SNX12: variants seen among roughly 807,000 people sequenced by gnomAD.
The protein encoded by SNX12 is sorting nexin-12.
For synonymous variants in SNX12, 47 were observed against 56.0 expected (o/e 0.84, Z 0.71); for missense variants, 62 against 141.3 (o/e 0.44, Z 2.84).
upstream of SNX12, chrX:71,068,398 A>G (rs1412066886): frequency 2.5e-6 from 2 of 792,082 alleles, no homozygotes; most frequent in East Asian, 7.7e-5. Flanking sequence ...TTGCAAAATA[A>G]CTAGCCAACC....
intron 1 of SNX12, among the ~76,000 whole-genome samples, chrX:71,066,714 T>A (rs2092155261): frequency 9.0e-6 from 1 of 110,698 alleles, no homozygotes; most frequent in African/African-American, 3.3e-5. Context: ...CCTTATGCTG[T>A]ACTAGTCATG....
upstream of SNX12, among the ~76,000 whole-genome samples, chrX:71,071,279 G>A (rs2092170484): frequency 2.0e-5 from 2 of 102,165 alleles, no homozygotes; most frequent in Non-Finnish European, 3.9e-5. Flanking sequence ...TGTTGATACA[G>A]AATGATGTCC....
rs1602269683 is a variant in SNX12 at position 71,061,261 on chromosome X, AC to A, written c.387-144del. On this transcript the variant is annotated intron_variant, in intron 3 of 3. Coordinates refer to ENST00000374274, the MANE Select transcript of SNX12 (RefSeq NM_013346.4). ...AGGACAGCAGTAGGGTACCACCTCA[AC>A]CCTAATATTGTAAAGGGGACGGGGG... 2.1e-5 allele frequency: 10 copies of A among 472,828 alleles called. No homozygotes were observed. The South Asian group carries it at 2.8e-4, about 13-fold the overall frequency. The allele number at this position is 472,828 out of a possible 1,213,427, so 39.0% of individuals were successfully genotyped here. A position where few individuals can be genotyped will look rare whatever the true frequency, so the allele number is the denominator to read the frequency against.
At chrX:71,066,668 T>C (rs1423091111) in intron 1 of SNX12, among the ~76,000 whole-genome samples, 1 of 107,158 alleles carries the variant, frequency 9.3e-6, no homozygotes, top group Non-Finnish European at 1.9e-5. Flanking sequence ...TCTTGGGTAA[T>C]GCATTGAATG....
intron 1 of SNX12, among the ~76,000 whole-genome samples, chrX:71,066,392 C>T (rs1328753186): frequency 9.0e-6 from 1 of 110,807 alleles, no homozygotes; most frequent in Admixed American, 9.6e-5. Context: ...CAGTTCAAGA[C>T]CAGCCTGGCC....
chrX:71,065,865 G>A (rs1237605822), intron 1 of SNX12, among the ~76,000 whole-genome samples: 1 of 108,499 alleles, frequency 9.2e-6, no homozygotes, highest in Non-Finnish European at 1.9e-5. Context: ...TGTAGTCCCA[G>A]CTACTCCAGA....
chrX:71,072,006 C>T (rs1279308677), upstream of SNX12, among the ~76,000 whole-genome samples: 11 of 110,210 alleles, frequency 1.0e-4, no homozygotes, highest in African/African-American at 3.6e-4. Flanking sequence ...GCCTGTAATC[C>T]CAGTACTTTG....
chrX:71,068,208 G>A lies in SNX12; in HGVS notation c.99C>T (p.Asp33=). The A allele has an allele frequency of 1.7e-6, 2 of 1,210,758 alleles. No individual in the cohort carries two copies. Among genetic ancestry groups the A allele is most frequent in the Non-Finnish European group, 2.2e-6 (2 of 895,040 alleles). The part of the protein sequence containing the change: ...YGPPSNFLEI[D]IFNPQTVGVG... ...CGCCCACCGTCTGAGGATTAAAGAT[G>A]TCGATCTCCAGGAAGTTACTTGGCG... is the stretch of plus-strand genomic sequence containing the variant. The change falls in exon 1 of 4, where the codon GAC becomes GAT. Residue 33 remains aspartate, a synonymous_variant. Coordinates refer to ENST00000374274, the MANE Select transcript of SNX12 (RefSeq NM_013346.4).
rs1315100645 is a variant in SNX12, at chrX:71,066,296, T to C, written c.165+1846A>G. On this transcript the variant is annotated intron_variant, in intron 1 of 3. Transcript: ENST00000374274. ...TGAACAGTCCCTGTTGCTATTAGAATACCTGGAGTAGGGCCAGGCGTGGTG... is the reference window on the plus strand; with the variant it reads ...TGAACAGTCCCTGTTGCTATTAGAACACCTGGAGTAGGGCCAGGCGTGGTG... 9.9e-5 allele frequency among the ~76,000 whole-genome samples: 11 copies of C among 111,190 alleles called. No individual in the cohort carries two copies. The East Asian group carries it at 3.2e-3, about 32-fold the overall frequency.
Position 71,068,147 on chromosome X carries a change from T to A in SNX12, c.160A>T (p.Met54Leu). 8.8e-7 allele frequency: 1 copy of A among 1,140,664 alleles called. No homozygotes were observed. The highest frequency in any genetic ancestry group is 1.8e-5 in the South Asian group (1 of 54,727). 94.0% of individuals were successfully genotyped at this position (1,140,664 alleles called of 1,213,427 possible). ...TCCCTCACCCCGTGACTCACCCGCA[T>A]GCGAACCTCATAGGTGGTGAAGCGC... ...RARFTTYEVRMRTNLPIFKLK... is the reference protein window; with the variant it reads ...RARFTTYEVRLRTNLPIFKLK... Residue 54 changes from methionine (M) to leucine (L), a missense_variant, in exon 1 of 4, where the codon ATG becomes TTG. Coordinates refer to ENST00000374274, the MANE Select transcript of SNX12 (RefSeq NM_013346.4).
At position 71,060,411 on chromosome X, in the gene SNX12, C is replaced by A. The variant is rs2092126872; in HGVS notation, c.*605G>T. ...CATAATGATGGGCCCAGAAAACCCA[C>A]ACACCCTGCTCCATACAACAGACTG... On this transcript the variant is annotated 3_prime_UTR_variant, in exon 4 of 4. Transcript: ENST00000374274. 9.0e-6 allele frequency: 1 copy of A among 111,454 alleles called. No homozygotes were observed. Among genetic ancestry groups the A allele is most frequent in the African/African-American group, 3.3e-5 (1 of 30,598 alleles). The allele number at this position is 111,454 out of a possible 1,213,427, so 9.2% of individuals were successfully genotyped here.
intron 1 of SNX12, 127 bp downstream of exon 1, chrX:71,068,015 C>A: frequency 3.4e-6 from 2 of 593,368 alleles, no homozygotes; most frequent in Non-Finnish European, 5.0e-6. Context: ...CCTATTATAC[C>A]CCTAACCCCC....
intron 1 of SNX12, among the ~76,000 whole-genome samples, chrX:71,066,334 A>C (rs1011136217): frequency 2.7e-5 from 3 of 111,980 alleles, no homozygotes; most frequent in Non-Finnish European, 5.6e-5. Context: ...TCACGCCTCT[A>C]ATCCCAGCCC....
At chrX:71,064,200 T>C (rs772555235) in intron 1 of SNX12, among the ~76,000 whole-genome samples, 27 of 111,732 alleles carry the variant, frequency 2.4e-4, no homozygotes, top group Non-Finnish European at 4.3e-4. Context: ...TGTAAAGAGA[T>C]AAACACATCC....
upstream of SNX12, chrX:71,068,489 G>A (rs149145554): frequency 0.027 from 8,733 of 319,840 alleles, 102 homozygotes; most frequent in Non-Finnish European, 0.034. Context: ...TCTGAATAGC[G>A]GCCGTGCTGA....
upstream of SNX12, among the ~76,000 whole-genome samples, chrX:71,068,757 G>A (rs1444769028): frequency 8.9e-6 from 1 of 112,150 alleles, no homozygotes; most frequent in African/African-American, 3.2e-5. Flanking sequence ...GGTTTTCCGC[G>A]AAAATAGAAG....
chrX:71,068,311 C>G lies in SNX12; in HGVS notation c.-5G>C. On this transcript the variant is annotated 5_prime_UTR_variant, in exon 1 of 4. Transcript: ENST00000374274. ...AGCTACTGCCGTGTCCGACATCTTT[C>G]CGAAGGAGAGCCTGGGACCGGGGAA... 1 of 1,193,712 alleles carries G rather than the reference C, an allele frequency of 8.4e-7. No homozygotes were observed. Among genetic ancestry groups the G allele is most frequent in the Non-Finnish European group, 1.1e-6 (1 of 885,788 alleles).
chrX:71,073,035 TACACACAC>T (rs56242437), upstream of SNX12, among the ~76,000 whole-genome samples: 22,595 of 89,777 alleles, frequency 0.25, 2,461 homozygotes, highest in Middle Eastern at 0.47. Context: ...TTATCACACA[TACACACAC>T]ACACACACAC....
upstream of SNX12, among the ~76,000 whole-genome samples, chrX:71,070,081 T>A (rs1231840240): frequency 8.9e-6 from 1 of 111,851 alleles, no homozygotes; most frequent in Non-Finnish European, 1.9e-5. Context: ...GATGGAAGTG[T>A]TTAGAAAGGT....
Sources: allele counts gnomAD v4.1 joint callset (sites outside exome capture counted in the v4.1 genomes callset), GRCh38; gene constraint gnomAD v4.1.1; transcripts MANE v1.5; gene names NCBI Gene and HGNC (gene_info 2026-07-23, HGNC 2026-07-21).